CASS4: variants seen among roughly 807,000 people sequenced by gnomAD.
CASS4 encodes Cas scaffold protein family member 4, also known as cas scaffolding protein family member 4.
A neutral mutation model predicts 54.2 loss-of-function variants in CASS4; 22 were observed. That is an observed-to-expected ratio of 0.41 (90% CI 0.29 to 0.58). The LOEUF (loss-of-function observed/expected upper bound fraction) is 0.58, where lower values mean the gene tolerates loss of function less well. CASS4 is among the 20% of genes least tolerant of loss of function. CASS4 has a pLI of 0.36. For missense variants in CASS4, 854 were observed against 986.7 expected, an observed-to-expected ratio of 0.87 and a Z score of 1.80; for synonymous variants, 409 against 391.5, an observed-to-expected ratio of 1.04 and a Z score of -0.53.
chr20:56,420,185 T>A (rs1396874550), intron 1 of CASS4, among the ~76,000 whole-genome samples: 1 of 152,172 alleles, frequency 6.6e-6, no homozygotes, highest in African/African-American at 2.4e-5. Flanking sequence ...TATTGTTCTT[T>A]TCCTTTGAAC....
chr20:56,446,973 C>T (rs1980744456), intron 3 of CASS4, among the ~76,000 whole-genome samples: 1 of 152,042 alleles, frequency 6.6e-6, no homozygotes, highest in African/African-American at 2.4e-5. Context: ...TTTGGGAGGC[C>T]AAGGCAGGAG....
intron 5 of CASS4, among the ~76,000 whole-genome samples, chr20:56,454,785 T>G (rs1041801057): frequency 6.6e-6 from 1 of 152,240 alleles, no homozygotes; most frequent in Non-Finnish European, 1.5e-5. Context: ...ATACGCTCTA[T>G]TGCTAGATTC....
chr20:56,428,197 A>G (rs1979733731), intron 1 of CASS4, among the ~76,000 whole-genome samples: 2 of 152,338 alleles, frequency 1.3e-5, no homozygotes, highest in East Asian at 1.9e-4. Context: ...TTTTAGGAGC[A>G]TAAGTGTTTG....
In CASS4 at chr20:56,451,850, C is replaced by G. The variant is rs1179789904; in HGVS notation, c.674C>G (p.Thr225Ser). The change falls in exon 5 of 6, where the codon ACC becomes AGC. Residue 225 changes from threonine (T) to serine (S), a missense_variant. Transcript: ENST00000679887. Reference sequence around the variant, plus strand: ...GGTGTTCCCCTGATATCAGTGACTACCTTAAGAAGAGGCGGTTACAGCACA... The same window carrying G: ...GGTGTTCCCCTGATATCAGTGACTAGCTTAAGAAGAGGCGGTTACAGCACA... ...GQGVPLISVT[T>S]LRRGGYSTLP... The G allele has an allele frequency of 1.2e-6, 2 of 1,613,546 alleles. No homozygotes were observed. Among genetic ancestry groups the G allele is most frequent in the Non-Finnish European group, 8.5e-7 (1 of 1,179,654 alleles).
At chr20:56,450,578 G>A in intron 3 of CASS4, 21 bp from the exon 4 acceptor site, 1 of 1,611,532 alleles carries the variant, frequency 6.2e-7, no homozygotes, top group Non-Finnish European at 8.5e-7. Flanking sequence ...CAAGTTGTCT[G>A]CCTTTGTGGT....
chr20:56,412,386 A>G lies in CASS4; in HGVS notation c.-73A>G. The stretch of plus-strand genomic sequence containing the variant: ...GAGAACCAGCCAGAAGCATGCAGTG[A>G]CATTGCACAATCTGCCTCTGAAGCT... On this transcript the variant is annotated 5_prime_UTR_variant, in exon 1 of 6. An upstream open reading frame in the 5' UTR loses its in-frame stop. Coordinates refer to ENST00000679887, the MANE Select transcript of CASS4 (RefSeq NM_020356.4). This position sits in a 1 kb window ranked among gnomAD's most constrained non-coding sequence, Gnocchi z 4.2. 1 of 1,494,962 alleles carries G rather than the reference A, an allele frequency of 6.7e-7. No individual in the cohort carries two copies. Among genetic ancestry groups the G allele is most frequent in the Non-Finnish European group, 9.3e-7 (1 of 1,079,720 alleles). 92.6% of individuals were successfully genotyped at this position (1,494,962 alleles called of 1,614,324 possible). A position where few individuals can be genotyped will look rare whatever the true frequency, so the allele number is the denominator to read the frequency against.
Position 56,453,050 on chromosome 20 carries a change from G to A in CASS4, c.1874G>A (p.Ser625Asn), listed in dbSNP as rs573057697. The A allele has an allele frequency of 1.2e-6, 2 of 1,614,022 alleles. No homozygotes were observed. The highest frequency in any genetic ancestry group is 1.1e-5 in the South Asian group (1 of 91,086). Residue 625 changes from serine (S) to asparagine (N), a missense_variant, in exon 5 of 6, where the codon AGT becomes AAT. Ser to Asn is a conservative substitution (Grantham distance 46). Coordinates refer to ENST00000679887, the MANE Select transcript of CASS4 (RefSeq NM_020356.4). The part of the protein sequence containing the change: ...PQRETESHQK[S>N]TPSTKQREDE... ...AGAGAAACTGAATCACACCAAAAGA[G>A]TACCCCTTCCACTAAGCAAAGGGAA...
At position 56,437,661 on chromosome 20, in the gene CASS4, C is replaced by T; in HGVS notation, c.459+75C>T. On this transcript the variant is annotated intron_variant, in intron 2 of 5. Transcript: ENST00000679887. This position sits in a 1 kb window ranked among gnomAD's most constrained non-coding sequence, Gnocchi z 4.7. Reference sequence around the variant, plus strand: ...CCAGAGGCCTAACTACCTCTTGAGGCATGGGTGTCCTTCAGATCAAACACG... The same window carrying T: ...CCAGAGGCCTAACTACCTCTTGAGGTATGGGTGTCCTTCAGATCAAACACG... 7.6e-7 allele frequency: 1 copy of T among 1,315,598 alleles called. No individual in the cohort carries two copies. The highest frequency in any genetic ancestry group is 1.5e-5 in the South Asian group (1 of 65,702). The allele number at this position is 1,315,598 out of a possible 1,614,324, so 81.5% of individuals were successfully genotyped here. A position where few individuals can be genotyped will look rare whatever the true frequency, so the allele number is the denominator to read the frequency against.
intron 2 of CASS4, among the ~76,000 whole-genome samples, chr20:56,440,153 G>A (rs759878557): frequency 1.3e-5 from 2 of 152,198 alleles, no homozygotes; most frequent in African/African-American, 2.4e-5. Flanking sequence ...ACAGGCACTC[G>A]CTACAAACAC....
chr20:56,418,214 A>T (rs1048249084), intron 1 of CASS4, among the ~76,000 whole-genome samples: 4 of 152,116 alleles, frequency 2.6e-5, no homozygotes, highest in Non-Finnish European at 5.9e-5. Context: ...GGAAAAGGCC[A>T]CTCTGAACAC....
intron 3 of CASS4, among the ~76,000 whole-genome samples, chr20:56,446,615 G>T (rs1354061882): frequency 6.6e-6 from 1 of 151,976 alleles, no homozygotes; most frequent in East Asian, 1.9e-4. Flanking sequence ...TCAAAAAATA[G>T]CTTTGCTCCT....
At position 56,447,970 on chromosome 20, in the gene CASS4, G is replaced by A. The variant is rs1449958603; in HGVS notation, c.561+1969G>A. On this transcript the variant is annotated intron_variant, in intron 3 of 5. Transcript: ENST00000679887. ...ACCCTGGCTAACGCGGTGAAACCCC[G>A]TCTCTACTAAAAATACAAAAAGTTA... 6.6e-5 allele frequency among the ~76,000 whole-genome samples: 10 copies of A among 152,122 alleles called. No individual in the cohort carries two copies. In the East Asian group the frequency reaches 1.5e-3, roughly 24 times the overall value.
At chr20:56,442,054 C>A (rs1980487533) in intron 2 of CASS4, among the ~76,000 whole-genome samples, 1 of 149,058 alleles carries the variant, frequency 6.7e-6, no homozygotes, top group Non-Finnish European at 1.5e-5. Flanking sequence ...CGGGGCAACT[C>A]TGAGCCACGG....
At position 56,437,081 on chromosome 20, in the gene CASS4, G is replaced by A; in HGVS notation, c.37-83G>A. 1 of 1,213,106 alleles carries A rather than the reference G, an allele frequency of 8.2e-7. No homozygotes were observed. The allele number at this position is 1,213,106 out of a possible 1,614,324, so 75.1% of individuals were successfully genotyped here. A position where few individuals can be genotyped will look rare whatever the true frequency, so the allele number is the denominator to read the frequency against. On this transcript the variant is annotated intron_variant, in intron 1 of 5. Transcript: ENST00000679887. This position sits in a 1 kb window ranked among gnomAD's most constrained non-coding sequence, Gnocchi z 4.7. ...AAAGGGCATGATGAATTTGTATGAAGCTTTCTAAGAGAGTGGGATTGGAGT... is the reference window on the plus strand; with the variant it reads ...AAAGGGCATGATGAATTTGTATGAAACTTTCTAAGAGAGTGGGATTGGAGT...
intron 1 of CASS4, among the ~76,000 whole-genome samples, chr20:56,436,426 C>G (rs1382053748): frequency 6.7e-6 from 1 of 148,208 alleles, no homozygotes; most frequent in South Asian, 2.1e-4. Context: ...ATCAACCCGT[C>G]ATATATAGTG....
chr20:56,431,833 G>A (rs1416082716), intron 1 of CASS4, among the ~76,000 whole-genome samples: 1 of 152,136 alleles, frequency 6.6e-6, no homozygotes, highest in Admixed American at 6.5e-5. Context: ...TTTAAAGATT[G>A]CTTTAAATGT....
At chr20:56,433,618 G>A (rs1321452924) in intron 1 of CASS4, among the ~76,000 whole-genome samples, 1 of 152,178 alleles carries the variant, frequency 6.6e-6, no homozygotes, top group Non-Finnish European at 1.5e-5. Flanking sequence ...ATCTGTGAAG[G>A]AACAATTGGC....
chr20:56,455,446 T>C (rs1981244266), intron 5 of CASS4, among the ~76,000 whole-genome samples: 1 of 152,220 alleles, frequency 6.6e-6, no homozygotes, highest in Non-Finnish European at 1.5e-5. Flanking sequence ...GATAAGGTCA[T>C]GTACCTTCTC....
At chr20:56,413,046 A>G (rs1267515214) in intron 1 of CASS4, among the ~76,000 whole-genome samples, 3 of 152,146 alleles carry the variant, frequency 2.0e-5, no homozygotes, top group African/African-American at 4.8e-5. Context: ...CTATTTAGAA[A>G]GGTGAAAGAA....
Sources: gnomAD v4.1 joint callset for allele counts (sites outside exome capture counted in the v4.1 genomes callset) on GRCh38, gnomAD v4.1.1 for gene constraint, Gnocchi (gnomAD v3.1) non-coding constraint, MANE v1.5 for transcripts, NCBI Gene and HGNC (gene_info 2026-07-23, HGNC 2026-07-21) for gene names.